LSAMP: variants seen among roughly 807,000 people sequenced by gnomAD.
The protein encoded by LSAMP is limbic system-associated membrane protein.
In LSAMP, 7 loss-of-function variants were observed where a neutral mutation model predicts 38.6. The ratio of observed to expected loss-of-function variants is 0.18; its 90% CI spans 0.10 to 0.34. The LOEUF (loss-of-function observed/expected upper bound fraction) is 0.34. LSAMP is among the 10% of genes least tolerant of loss of function. LSAMP has a pLI of 1.00. For synonymous variants in LSAMP, 154 were observed against 166.8 expected (o/e 0.92, Z 0.59); for missense variants, 313 against 420.0 (o/e 0.75, Z 2.23).
chr3:116,158,001 T>C (rs771137328), intron 1 of LSAMP, among the ~76,000 whole-genome samples: 4 of 152,126 alleles, frequency 2.6e-5, no homozygotes, highest in Non-Finnish European at 5.9e-5. Flanking sequence ...AAAAGATTAA[T>C]CCACCGTGAT....
At chr3:116,338,849 T>C (rs2047954967) in intron 1 of LSAMP, among the ~76,000 whole-genome samples, 1 of 152,076 alleles carries the variant, frequency 6.6e-6, no homozygotes, top group South Asian at 2.1e-4. Context: ...GTGGCACTTC[T>C]GTGAATACAT....
At chr3:116,330,262 A>G (rs967766300) in intron 1 of LSAMP, among the ~76,000 whole-genome samples, 1 of 152,060 alleles carries the variant, frequency 6.6e-6, no homozygotes, top group Non-Finnish European at 1.5e-5. Context: ...AATTTTGATC[A>G]TTTTCAGGCT....
chr3:115,825,650 A>T (rs1325643272), intron 6 of LSAMP, among the ~76,000 whole-genome samples: 1 of 152,184 alleles, frequency 6.6e-6, no homozygotes, highest in African/African-American at 2.4e-5. Context: ...CCTGGTCCTG[A>T]GTGTAATATA....
chr3:115,878,047 G>C (rs6796507), intron 3 of LSAMP, among the ~76,000 whole-genome samples: 74,243 of 151,870 alleles, frequency 0.49, 18,676 homozygotes, highest in Middle Eastern at 0.58. Flanking sequence ...TGGGCCATAC[G>C]CGGAGACACG....
intron 1 of LSAMP, among the ~76,000 whole-genome samples, chr3:116,415,178 G>T (rs1157331355): frequency 6.6e-6 from 1 of 151,648 alleles, no homozygotes; most frequent in African/African-American, 2.4e-5. Flanking sequence ...CTAACTAAAG[G>T]CTCTCCCTAT....
chr3:116,183,670 A>C (rs1710543150), intron 1 of LSAMP, among the ~76,000 whole-genome samples: 1 of 151,882 alleles, frequency 6.6e-6, no homozygotes, highest in Non-Finnish European at 1.5e-5. Flanking sequence ...ACAGTTGCCC[A>C]TTTAGTATTA....
At chr3:116,010,703 G>C (rs1422773646) in intron 3 of LSAMP, among the ~76,000 whole-genome samples, 1 of 152,150 alleles carries the variant, frequency 6.6e-6, no homozygotes, top group Non-Finnish European at 1.5e-5. Flanking sequence ...ATCTGAATTG[G>C]ACCTAGACAG....
chr3:115,851,620 ATGCCTGTG>A (rs1417687053), intron 4 of LSAMP, among the ~76,000 whole-genome samples: 3 of 152,202 alleles, frequency 2.0e-5, no homozygotes, highest in African/African-American at 7.2e-5. Flanking sequence ...TTGTACATGT[ATGCCTGTG>A]TGCCTATATG....
intron 1 of LSAMP, among the ~76,000 whole-genome samples, chr3:116,416,730 T>C (rs2049055922): frequency 1.3e-5 from 2 of 152,174 alleles, no homozygotes; most frequent in South Asian, 4.1e-4. Flanking sequence ...CATTGCTGTT[T>C]TGTGATTTAT....
At chr3:115,995,730 C>A (rs1939797586) in intron 3 of LSAMP, among the ~76,000 whole-genome samples, 1 of 152,030 alleles carries the variant, frequency 6.6e-6, no homozygotes, top group African/African-American at 2.4e-5. Context: ...ACAGAAGTAT[C>A]ATTCAATACT....
intron 3 of LSAMP, among the ~76,000 whole-genome samples, chr3:115,863,099 A>G (rs61391157): frequency 0.19 from 28,869 of 152,198 alleles, 3,542 homozygotes; most frequent in African/African-American, 0.33. Flanking sequence ...AGTGAGGGTC[A>G]CTAAATTTAC....
chr3:115,871,933 A>T (rs1217062080), intron 3 of LSAMP, among the ~76,000 whole-genome samples: 1 of 152,142 alleles, frequency 6.6e-6, no homozygotes, highest in African/African-American at 2.4e-5. Flanking sequence ...TGTGGGAAAG[A>T]AGAAAGAGTT....
At chr3:116,163,379 T>C (rs1036560738) in intron 1 of LSAMP, among the ~76,000 whole-genome samples, 1 of 151,832 alleles carries the variant, frequency 6.6e-6, no homozygotes, top group Non-Finnish European at 1.5e-5. Flanking sequence ...TCCAGCTTCA[T>C]CCAAGTCCCT....
chr3:116,290,790 G>T (rs1175595605), intron 1 of LSAMP, among the ~76,000 whole-genome samples: 1 of 149,988 alleles, frequency 6.7e-6, no homozygotes, highest in African/African-American at 2.4e-5. Flanking sequence ...AACTTTCCTA[G>T]TTGATCTTTA....
chr3:116,117,402 C>T lies in LSAMP; in HGVS notation c.156-30846G>A, dbSNP rs74565214. Among the ~76,000 whole-genome samples, 585 of 152,300 alleles carry T rather than the reference C, an allele frequency of 3.8e-3. 11 individuals carry two copies. Among genetic ancestry groups the T allele is most frequent in the East Asian group, 0.025 (132 of 5,178 alleles). On this transcript the variant is annotated intron_variant, in intron 1 of 6. Coordinates refer to ENST00000490035, the MANE Select transcript of LSAMP (RefSeq NM_002338.5). ...AAACTACTAGCAGCACAGGGTTCCC[C>T]ATAAACCCCATGCCAATTTCTCCCT...
intron 3 of LSAMP, among the ~76,000 whole-genome samples, chr3:115,853,529 T>G (rs1023379351): frequency 1.3e-5 from 2 of 152,180 alleles, no homozygotes; most frequent in Admixed American, 6.5e-5. Context: ...AATTCCCCTA[T>G]GTGGAGAATA....
At chr3:116,020,322 T>C (rs1025377640) in intron 2 of LSAMP, among the ~76,000 whole-genome samples, 1 of 152,204 alleles carries the variant, frequency 6.6e-6, no homozygotes, top group Admixed American at 6.5e-5. Context: ...ACAATGTAAT[T>C]AATAGCTAGC....
chr3:116,148,435 A>G (rs1709536148), intron 1 of LSAMP, among the ~76,000 whole-genome samples: 1 of 151,964 alleles, frequency 6.6e-6, no homozygotes, highest in Admixed American at 6.6e-5. Flanking sequence ...GTTTTCCTGT[A>G]TTTTGAAGCA....
intron 3 of LSAMP, among the ~76,000 whole-genome samples, chr3:115,891,154 C>T (rs1228824094): frequency 6.6e-6 from 1 of 151,876 alleles, no homozygotes; most frequent in African/African-American, 2.4e-5. Context: ...TACTGGATAC[C>T]TCATTGTTGT....
Sources: allele counts gnomAD v4.1 joint callset (sites outside exome capture counted in the v4.1 genomes callset), GRCh38; gene constraint gnomAD v4.1.1; transcripts MANE v1.5; gene names NCBI Gene and HGNC (gene_info 2026-07-23, HGNC 2026-07-21).